Variants in CEP63 observed in about 807,000 individuals in gnomAD.
CEP63 encodes the protein centrosomal protein 63.
A neutral mutation model predicts 89.1 loss-of-function variants in CEP63; 84 were observed. That is an observed-to-expected ratio of 0.94 (90% CI 0.79 to 1.13). The LOEUF is 1.13. CEP63 is among the 50% of genes most tolerant of loss of function. The pLI, the probability that CEP63 is intolerant of heterozygous loss-of-function variation, is 0.00. For missense variants in CEP63, 838 were observed against 813.3 expected (o/e 1.03, Z -0.37); for synonymous variants, 267 against 272.5 (o/e 0.98, Z 0.20).
At chr3:134,518,702 A>C (rs1159746838) in intron 3 of CEP63, among the ~76,000 whole-genome samples, 1 of 152,142 alleles carries the variant, frequency 6.6e-6, no homozygotes, top group Non-Finnish European at 1.5e-5. Flanking sequence ...CTAAAATTAT[A>C]TATATTAGAA....
At chr3:134,549,431 A>T (rs1210139769) in intron 10 of CEP63, among the ~76,000 whole-genome samples, 2 of 152,194 alleles carry the variant, frequency 1.3e-5, no homozygotes, top group Non-Finnish European at 2.9e-5. Flanking sequence ...TTTATTTTAA[A>T]CATGTTTTGA....
At chr3:134,504,255 C>CG (rs1559884909) in intron 2 of CEP63, among the ~76,000 whole-genome samples, 2 of 83,180 alleles carry the variant, frequency 2.4e-5, no homozygotes, top group Admixed American at 1.5e-4. Context: ...ATCCCATATG[C>CG]ATTTTTTGTA....
chr3:134,628,722 A>G, the CEP63 span, among the ~76,000 whole-genome samples: 1 of 152,200 alleles, frequency 6.6e-6, no homozygotes, highest in African/African-American at 2.4e-5. Flanking sequence ...TAATCTCATA[A>G]TAATCTTATG....
the CEP63 span, among the ~76,000 whole-genome samples, chr3:134,632,017 A>G: frequency 9.2e-5 from 14 of 152,106 alleles, no homozygotes; most frequent in East Asian, 1.9e-4. Context: ...TTAATATCAG[A>G]TCAGAGAAAG....
downstream of CEP63, chr3:134,575,104 TTAAGA>T: frequency 5.5e-6 from 2 of 362,552 alleles, no homozygotes; most frequent in Non-Finnish European, 9.7e-6. Context: ...GCTAGAAAGC[TTAAGA>T]TAACTCCTTC....
chr3:134,536,617 G>A (rs1027281355), intron 5 of CEP63: 8 of 168,296 alleles, frequency 4.8e-5, no homozygotes, highest in African/African-American at 1.7e-4. Context: ...CCTCTGTTGA[G>A]ATAATACAAA....
the CEP63 span, among the ~76,000 whole-genome samples, chr3:134,757,769 TG>T: frequency 1.5e-4 from 23 of 152,038 alleles, no homozygotes; most frequent in African/African-American, 5.6e-4. Context: ...AGGCAAACCT[TG>T]GGGGTCCCCA....
At chr3:134,490,302 G>T (rs1172117728) in intron 1 of CEP63, among the ~76,000 whole-genome samples, 2 of 151,774 alleles carry the variant, frequency 1.3e-5, no homozygotes, top group African/African-American at 4.8e-5. Context: ...TATCTTTTTT[G>T]CTGAGTCTTG....
In CEP63 at chr3:134,507,244, A is replaced by G. The variant is rs763737035; in HGVS notation, c.180A>G (p.Glu60=). Residue 60 remains glutamate, a synonymous_variant, in exon 3 of 15, where the codon GAA becomes GAG. Transcript: ENST00000675561. ...LETCLKIREQ[E]LKSLRSQLDV... is the part of the protein sequence containing the mutation. ...CTTGCTTGAAAATCCGTGAACAGGA[A>G]CTTAAGAGTCTTAGGAGTCAGTTGG... is the stretch of plus-strand genomic sequence containing the variant. The G allele has an allele frequency of 5.0e-6, 8 of 1,613,754 alleles. No homozygotes were observed. Among genetic ancestry groups the G allele is most frequent in the Admixed American group, 1.7e-5 (1 of 59,996 alleles).
chr3:134,765,029 A>G, the CEP63 span, among the ~76,000 whole-genome samples: 1 of 152,144 alleles, frequency 6.6e-6, no homozygotes, highest in African/African-American at 2.4e-5. Context: ...AACCACCTGG[A>G]GGGTTTATTA....
the CEP63 span, among the ~76,000 whole-genome samples, chr3:134,729,579 G>C: frequency 6.6e-6 from 1 of 152,102 alleles, no homozygotes; most frequent in Admixed American, 6.6e-5. Context: ...GGTAAGATCT[G>C]GTTCAAATAT....
the CEP63 span, among the ~76,000 whole-genome samples, chr3:134,595,455 A>G: frequency 6.6e-6 from 1 of 152,174 alleles, no homozygotes; most frequent in African/African-American, 2.4e-5. Context: ...AGTCTCCTTC[A>G]TTATTTTGGT....
At chr3:134,492,789 T>C (rs1036170932) in intron 1 of CEP63, among the ~76,000 whole-genome samples, 2 of 152,104 alleles carry the variant, frequency 1.3e-5, no homozygotes, top group South Asian at 2.1e-4. Flanking sequence ...TACTGTAAAA[T>C]ATATAAAGGT....
the CEP63 span, among the ~76,000 whole-genome samples, chr3:134,671,360 G>C: frequency 6.6e-6 from 1 of 152,168 alleles, no homozygotes. Context: ...GCGGGCTGAG[G>C]GTTGAATGAT....
intron 6 of CEP63, among the ~76,000 whole-genome samples, chr3:134,544,713 G>T (rs1251814312): frequency 6.6e-6 from 1 of 151,428 alleles, no homozygotes; most frequent in Admixed American, 6.6e-5. Flanking sequence ...ATATAATAAT[G>T]CATTATAGTT....
intron 12 of CEP63, among the ~76,000 whole-genome samples, chr3:134,555,878 A>G (rs9838721): frequency 0.66 from 100,042 of 151,774 alleles, 33,373 homozygotes; most frequent in East Asian, 0.81. Flanking sequence ...AAACTATACT[A>G]CAAGGCTACA....
At chr3:134,749,780 A>G in the CEP63 span, among the ~76,000 whole-genome samples, 3 of 147,272 alleles carry the variant, frequency 2.0e-5, no homozygotes, top group Non-Finnish European at 4.5e-5. Flanking sequence ...AAATGAAATG[A>G]GAGACCAGCA....
At chr3:134,618,609 C>A in the CEP63 span, among the ~76,000 whole-genome samples, 18 of 151,318 alleles carry the variant, frequency 1.2e-4, no homozygotes, top group African/African-American at 4.4e-4. Flanking sequence ...CAGGCCAGAG[C>A]TGTCACCCAC....
the CEP63 span, among the ~76,000 whole-genome samples, chr3:134,697,430 C>G: frequency 6.6e-6 from 1 of 152,052 alleles, no homozygotes; most frequent in Non-Finnish European, 1.5e-5. Context: ...GTTTTGGGCA[C>G]GTGGCTTTCT....
Sources: gnomAD v4.1 joint callset for allele counts (sites outside exome capture counted in the v4.1 genomes callset) on GRCh38, gnomAD v4.1.1 for gene constraint, MANE v1.5 for transcripts, NCBI Gene and HGNC (gene_info 2026-07-23, HGNC 2026-07-21) for gene names.